The following ST7 variants were observed in gnomAD, a reference collection of about 807,000 sequenced individuals.
ST7 encodes the protein suppressor of tumorigenicity 7 protein.
ST7 carries 28 observed loss-of-function variants against 78.7 expected under a neutral mutation model. The observed-to-expected ratio is 0.36, with a 90% confidence interval of 0.26 to 0.49. The LOEUF (loss-of-function observed/expected upper bound fraction) is 0.49, where lower values mean the gene tolerates loss of function less well. ST7 is among the 20% of genes least tolerant of loss of function. The pLI is 0.99. For synonymous variants in ST7, 247 were observed against 249.6 expected (o/e 0.99, Z 0.10); for missense variants, 418 against 696.0 (o/e 0.60, Z 4.49).
intron 3 of ST7, among the ~76,000 whole-genome samples, chr7:117,129,300 CA>C (rs1236233029): frequency 6.6e-6 from 1 of 151,782 alleles, no homozygotes; most frequent in Non-Finnish European, 1.5e-5. Context: ...AAGGCAAAAG[CA>C]AACTGGTAAA....
At chr7:117,013,495 C>T (rs1248968342) in intron 1 of ST7, among the ~76,000 whole-genome samples, 1 of 152,104 alleles carries the variant, frequency 6.6e-6, no homozygotes, top group African/African-American at 2.4e-5. Flanking sequence ...ACTGATTAGA[C>T]GACTGAGTGA....
chr7:117,128,938 A>G (rs1467536765), intron 3 of ST7, among the ~76,000 whole-genome samples: 1 of 151,876 alleles, frequency 6.6e-6, no homozygotes, highest in Admixed American at 6.6e-5. Flanking sequence ...ATTTTTTTAT[A>G]ATAAAATCTT....
rs116536432 is a variant in ST7 at position 116,956,261 on chromosome 7, G to A, written c.151+2570G>A. Among the ~76,000 whole-genome samples the A allele has an allele frequency of 8.3e-3, 1,270 of 152,272 alleles. 13 individuals are homozygous for A. The highest frequency in any genetic ancestry group is 0.029 in the African/African-American group (1,219 of 41,560). On this transcript the variant is annotated intron_variant, in intron 1 of 15. Transcript: ENST00000323984. ...TCCTTGCCAATTCCCCTCCCCTTTG[G>A]GAAAAAGTTTCTGTACTGAAGTTAT...
At chr7:117,168,655 G>A (rs1355334886) in intron 9 of ST7, among the ~76,000 whole-genome samples, 2 of 152,122 alleles carry the variant, frequency 1.3e-5, no homozygotes, top group Non-Finnish European at 2.9e-5. Context: ...GCCTCTCTAG[G>A]GAAGTTCGGA....
chr7:117,072,825 A>G (rs1799061881), intron 1 of ST7: 1 of 152,226 alleles, frequency 6.6e-6, no homozygotes, highest in African/African-American at 2.4e-5. Flanking sequence ...CAGAATTGAG[A>G]AAGTGACGCA....
intron 1 of ST7, among the ~76,000 whole-genome samples, chr7:117,006,795 G>T (rs1428635779): frequency 6.6e-6 from 1 of 152,070 alleles, no homozygotes; most frequent in African/African-American, 2.4e-5. Context: ...CTCACATTTT[G>T]GTAATTCTTA....
chr7:117,105,520 A>G (rs1199559612), intron 2 of ST7, among the ~76,000 whole-genome samples: 1 of 152,136 alleles, frequency 6.6e-6, no homozygotes, highest in African/African-American at 2.4e-5. Context: ...GGGCTCAAGC[A>G]ATACTCTTCC....
In ST7 at chr7:117,040,596, T is replaced by G. The variant is rs562658404; in HGVS notation, c.152-59166T>G. Among the ~76,000 whole-genome samples, 6 of 152,334 alleles carry G rather than the reference T, an allele frequency of 3.9e-5. No homozygotes were observed. The East Asian group carries it at 1.2e-3, about 29-fold the overall frequency. On this transcript the variant is annotated intron_variant, in intron 1 of 15. Transcript: ENST00000323984. ...TTCAACGGAGCAGGTTGCTTCATAG[T>G]AATTCTTTAGGGGATGGTCATGGGT...
At chr7:117,044,399 T>C (rs2116315950) in intron 1 of ST7, among the ~76,000 whole-genome samples, 1 of 152,172 alleles carries the variant, frequency 6.6e-6, no homozygotes, top group East Asian at 1.9e-4. Context: ...CGAGACAGAG[T>C]GCAGTGGCAC....
chr7:117,172,549 G>C (rs1349794211), intron 10 of ST7, among the ~76,000 whole-genome samples: 2 of 152,158 alleles, frequency 1.3e-5, no homozygotes, highest in African/African-American at 4.8e-5. Flanking sequence ...AGACTGTTTG[G>C]CTTTCATGTC....
At chr7:117,019,487 C>G (rs1029161588) in intron 1 of ST7, among the ~76,000 whole-genome samples, 10 of 152,160 alleles carry the variant, frequency 6.6e-5, no homozygotes, top group African/African-American at 2.4e-4. Context: ...GAGGTATACA[C>G]AGGTGTGTGC....
At chr7:117,109,645 A>G (rs1376557461) in intron 2 of ST7, among the ~76,000 whole-genome samples, 1 of 152,170 alleles carries the variant, frequency 6.6e-6, no homozygotes, top group Non-Finnish European at 1.5e-5. Context: ...AATCCTATTG[A>G]CCCTATTCCA....
chr7:117,110,947 GAT>G (rs1481166184), intron 2 of ST7, among the ~76,000 whole-genome samples: 1 of 152,198 alleles, frequency 6.6e-6, no homozygotes, highest in East Asian at 1.9e-4. Context: ...GCTTCCGACT[GAT>G]AGGAAACTTT....
At chr7:117,047,923 C>A (rs1409605187) in intron 1 of ST7, among the ~76,000 whole-genome samples, 1 of 152,082 alleles carries the variant, frequency 6.6e-6, no homozygotes, top group African/African-American at 2.4e-5. Flanking sequence ...CATGTGCAGT[C>A]AAAAATCTGA....
At chr7:117,214,975 A>AAC (rs1272786167) in intron 13 of ST7, among the ~76,000 whole-genome samples, 6 of 149,450 alleles carry the variant, frequency 4.0e-5, no homozygotes, top group African/African-American at 1.5e-4. Context: ...ATAAGCAAAA[A>AAC]ATACACACAC....
At chr7:117,165,756 C>G (rs1807505698) in intron 9 of ST7, among the ~76,000 whole-genome samples, 2 of 152,088 alleles carry the variant, frequency 1.3e-5, no homozygotes, top group African/African-American at 4.8e-5. Flanking sequence ...GGTAAGAGGT[C>G]AGGAGTCAGG....
At chr7:117,029,889 G>T (rs577945470) in intron 1 of ST7, among the ~76,000 whole-genome samples, 1 of 151,812 alleles carries the variant, frequency 6.6e-6, no homozygotes, top group East Asian at 1.9e-4. Context: ...TTTATTCTAG[G>T]GATCTGTATA....
chr7:117,129,491 G>T (rs115967166), intron 3 of ST7, among the ~76,000 whole-genome samples: 246 of 151,984 alleles, frequency 1.6e-3, no homozygotes, highest in African/African-American at 5.7e-3. Flanking sequence ...TAAATTCATA[G>T]AATCAGTTTG....
chr7:116,967,207 G>C (rs1004273893), intron 1 of ST7: 1 of 424,044 alleles, frequency 2.4e-6, no homozygotes, highest in Non-Finnish European at 5.1e-6. Context: ...TAGGACGAAG[G>C]CTATATTGGT....
Sources: gnomAD v4.1 joint callset for allele counts (sites outside exome capture counted in the v4.1 genomes callset) on GRCh38, gnomAD v4.1.1 for gene constraint, MANE v1.5 for transcripts, NCBI Gene and HGNC (gene_info 2026-07-23, HGNC 2026-07-21) for gene names.